C3orf33: variants seen among roughly 807,000 people sequenced by gnomAD.
C3orf33 encodes mitochondrial inner membrane subdomain organizer 1, also known as AP-1 activity suppressor.
C3orf33 carries 23 observed loss-of-function variants against 28.7 expected under a neutral mutation model. The ratio of observed to expected loss-of-function variants is 0.80; its 90% CI spans 0.58 to 1.13. The LOEUF (loss-of-function observed/expected upper bound fraction) is 1.13. Among genes scored for constraint, C3orf33 ranks in the 50% most tolerant of loss-of-function variants. The pLI, the probability that C3orf33 is intolerant of heterozygous loss-of-function variation, is 0.00. For missense variants in C3orf33, 327 were observed against 353.4 expected, an observed-to-expected ratio of 0.93 and a Z score of 0.60; for synonymous variants, 119 against 120.5, an observed-to-expected ratio of 0.99 and a Z score of 0.08.
intron 2 of C3orf33, among the ~76,000 whole-genome samples, chr3:155,796,884 C>T (rs140318398): frequency 3.3e-5 from 5 of 152,292 alleles, no homozygotes; most frequent in South Asian, 2.1e-4. Flanking sequence ...CGATGTGATA[C>T]ATCATATTGA....
At chr3:155,793,567 T>C (rs1751378848) in intron 2 of C3orf33, among the ~76,000 whole-genome samples, 1 of 151,846 alleles carries the variant, frequency 6.6e-6, no homozygotes, top group South Asian at 2.1e-4. Context: ...CTCAGCACTT[T>C]GGGAGGCCGA....
Position 155,767,655 on chromosome 3 carries a change from C to T in C3orf33, c.337G>A (p.Ala113Thr), listed in dbSNP as rs1279418688. Residue 113 changes from alanine to threonine, a missense_variant, in exon 4 of 5, where the codon GCT (alanine) becomes ACT (threonine). Coordinates refer to ENST00000340171, the MANE Select transcript of C3orf33 (RefSeq NM_001308229.2). ...ACTCCAGCCAACTTAACCAGCAAAG[C>T]ACCACGTGGCTCTTCTAAAAAGGTT... ...IASLRKEPRG[A>T]LLVKLAGVEL... 2.6e-6 allele frequency: 4 copies of T among 1,561,158 alleles called. No individual in the cohort carries two copies. Among genetic ancestry groups the T allele is most frequent in the East Asian group, 2.3e-5 (1 of 43,596 alleles).
intron 2 of C3orf33, among the ~76,000 whole-genome samples, chr3:155,793,638 C>T (rs1751380836): frequency 6.6e-6 from 1 of 151,238 alleles, no homozygotes; most frequent in African/African-American, 2.4e-5. Context: ...AGCGAAACCC[C>T]GTCTCTACTA....
chr3:155,802,648 G>C (rs1042686221), intron 1 of C3orf33, 57 bp from the exon 2 acceptor site: 2 of 1,294,428 alleles, frequency 1.5e-6, no homozygotes. Flanking sequence ...AATAATGAAA[G>C]CACTAATTAG....
chr3:155,776,594 G>A (rs918566224), intron 2 of C3orf33, among the ~76,000 whole-genome samples: 6 of 151,452 alleles, frequency 4.0e-5, no homozygotes, highest in Non-Finnish European at 8.8e-5. Flanking sequence ...GACCAGCCTG[G>A]GCAACAATAG....
chr3:155,802,041 C>T (rs538418041), intron 2 of C3orf33, among the ~76,000 whole-genome samples: 10 of 152,218 alleles, frequency 6.6e-5, no homozygotes, highest in African/African-American at 2.4e-4. Context: ...CATAAGCCAC[C>T]GCCCCGCCCC....
At chr3:155,797,284 T>C (rs1351737207) in intron 2 of C3orf33, among the ~76,000 whole-genome samples, 1 of 152,124 alleles carries the variant, frequency 6.6e-6, no homozygotes, top group African/African-American at 2.4e-5. Context: ...CCTCACAAAA[T>C]GCTACAGAAG....
At chr3:155,792,722 C>G (rs1299149197) in intron 2 of C3orf33, among the ~76,000 whole-genome samples, 1 of 151,636 alleles carries the variant, frequency 6.6e-6, no homozygotes, top group Non-Finnish European at 1.5e-5. Context: ...CTCTAAACAG[C>G]AGAACTGATC....
At chr3:155,789,134 C>T (rs1367422208) in intron 2 of C3orf33, among the ~76,000 whole-genome samples, 1 of 151,992 alleles carries the variant, frequency 6.6e-6, no homozygotes, top group African/African-American at 2.4e-5. Context: ...ATCACGAGGT[C>T]AGGAGTTTGA....
In C3orf33 at chr3:155,775,736, A is replaced by G. The variant is rs1329181863; in HGVS notation, c.287T>C (p.Ile96Thr). 3 of 1,581,112 alleles carry G rather than the reference A, an allele frequency of 1.9e-6. No individual in the cohort carries two copies. The East Asian group carries it at 6.7e-5, about 35-fold the overall frequency. ...AGCTATAATAGGTAAAGTAATAGGT[A>G]TATGTTCAATTTCTAAACCATTCTC... is the stretch of plus-strand genomic sequence containing the variant. ...ITENGLEIEHIPITLPIIASL... is the reference protein window; with the variant it reads ...ITENGLEIEHTPITLPIIASL... The change falls in exon 3 of 5, where the codon ATA becomes ACA. Residue 96 changes from isoleucine to threonine, a missense_variant. Transcript: ENST00000340171.
In C3orf33 at chr3:155,763,532, A is replaced by C. The variant is rs769918608; in HGVS notation, c.870T>G (p.Phe290Leu). The change falls in exon 5 of 5, where the codon TTT becomes TTG. Residue 290 changes from phenylalanine to leucine, a missense_variant. Transcript: ENST00000340171. ...CTTGACCGTTTCACCCTTTTCTACG[A>C]AAGTTTATGCGACTTATAAGTTCTC... is the stretch of plus-strand genomic sequence containing the variant. ...KFRELISRIN[F>L]RRKG The C allele has an allele frequency of 1.3e-6, 2 of 1,508,676 alleles. No individual in the cohort carries two copies. The highest frequency in any genetic ancestry group is 1.8e-6 in the Non-Finnish European group (2 of 1,135,894). 93.5% of individuals were successfully genotyped at this position (1,508,676 alleles called of 1,614,324 possible).
chr3:155,806,133 C>T lies in C3orf33; in HGVS notation c.114+6G>A, dbSNP rs1188445749. On this transcript the variant is annotated splice_donor_region_variant and intron_variant, in intron 1 of 4. Coordinates refer to ENST00000340171, the MANE Select transcript of C3orf33 (RefSeq NM_001308229.2). Reference sequence around the variant, plus strand: ...ACCACCCGCCCAGACTGCGTGGCCCCAGTACCCGGACTAGGCGCAGGTGGT... The same window carrying T: ...ACCACCCGCCCAGACTGCGTGGCCCTAGTACCCGGACTAGGCGCAGGTGGT... 1.4e-6 allele frequency: 2 copies of T among 1,449,192 alleles called. No individual in the cohort carries two copies. The highest frequency in any genetic ancestry group is 1.8e-6 in the Non-Finnish European group (2 of 1,090,446). 89.8% of individuals were successfully genotyped at this position (1,449,192 alleles called of 1,614,324 possible). A position where few individuals can be genotyped will look rare whatever the true frequency, so the allele number is the denominator to read the frequency against.
chr3:155,795,748 G>A (rs1751456964), intron 2 of C3orf33, among the ~76,000 whole-genome samples: 1 of 151,124 alleles, frequency 6.6e-6, no homozygotes, highest in Non-Finnish European at 1.5e-5. Context: ...CTGAGGTCAG[G>A]AATTCAAGAC....
intron 3 of C3orf33, among the ~76,000 whole-genome samples, chr3:155,768,059 T>C (rs1028429478): frequency 2.6e-5 from 4 of 152,100 alleles, no homozygotes; most frequent in African/African-American, 9.7e-5. Context: ...GTTGCATTTT[T>C]AGTAGAGACA....
At position 155,775,092 on chromosome 3, in the gene C3orf33, A is replaced by G. The variant is rs142447735; in HGVS notation, c.322+609T>C. Among the ~76,000 whole-genome samples the G allele has an allele frequency of 4.6e-3, 701 of 152,310 alleles. 10 individuals are homozygous for G. The highest frequency in any genetic ancestry group is 0.016 in the African/African-American group (654 of 41,560). On this transcript the variant is annotated intron_variant, in intron 3 of 4. Transcript: ENST00000340171. The stretch of plus-strand genomic sequence containing the variant: ...TAGACTATAAGCTTCAAGGGTTAAA[A>G]GAGCTTTGTTTTACCCAACATTGTA...
chr3:155,787,021 C>A (rs778404566), intron 2 of C3orf33, among the ~76,000 whole-genome samples: 1 of 152,178 alleles, frequency 6.6e-6, no homozygotes, highest in Non-Finnish European at 1.5e-5. Context: ...TAACACCAAT[C>A]CTTCTCAAAC....
rs1267189988 is a variant in C3orf33 at position 155,775,754 on chromosome 3, C to G, written c.269G>C (p.Gly90Ala). The G allele has an allele frequency of 6.3e-7, 1 of 1,592,134 alleles. No individual in the cohort carries two copies. Among genetic ancestry groups the G allele is most frequent in the Non-Finnish European group, 8.6e-7 (1 of 1,161,740 alleles). Residue 90 changes from glycine (G) to alanine (A), a missense_variant, in exon 3 of 5, where the codon GGT (glycine) becomes GCT (alanine). Transcript: ENST00000340171. ...AATAGGTATATGTTCAATTTCTAAACCATTCTCAGTTATTCGGCGTAATCG... is the reference window on the plus strand; with the variant it reads ...AATAGGTATATGTTCAATTTCTAAAGCATTCTCAGTTATTCGGCGTAATCG... Reference protein sequence around the residue: ...RGRLRRITENGLEIEHIPITL... With the variant: ...RGRLRRITENALEIEHIPITL...
At chr3:155,782,399 C>A (rs1324324966) in intron 2 of C3orf33, among the ~76,000 whole-genome samples, 1 of 151,352 alleles carries the variant, frequency 6.6e-6, no homozygotes, top group Non-Finnish European at 1.5e-5. Flanking sequence ...TATAAACATC[C>A]AAAAAGCTCA....
intron 2 of C3orf33, among the ~76,000 whole-genome samples, chr3:155,800,820 T>A (rs997594461): frequency 6.6e-6 from 1 of 151,796 alleles, no homozygotes; most frequent in Admixed American, 6.6e-5. Flanking sequence ...AATAACCACA[T>A]GAAAAGATGC....
Sources: allele counts gnomAD v4.1 joint callset (sites outside exome capture counted in the v4.1 genomes callset), GRCh38; gene constraint gnomAD v4.1.1; transcripts MANE v1.5; gene names NCBI Gene and HGNC (gene_info 2026-07-23, HGNC 2026-07-21).